Variants in C1orf167 observed in about 807,000 individuals in gnomAD.
C1orf167 encodes the protein chromosome 1 open reading frame 167.
In C1orf167, 153 loss-of-function variants were observed where a neutral mutation model predicts 176.5. The ratio of observed to expected loss-of-function variants is 0.87; its 90% CI spans 0.76 to 0.99. The LOEUF (loss-of-function observed/expected upper bound fraction) is 0.99, where lower values mean the gene tolerates loss of function less well. C1orf167 is among the 50% of genes least tolerant of loss of function. C1orf167 has a pLI of 0.00. For synonymous variants in C1orf167, 594 were observed against 752.7 expected, an observed-to-expected ratio of 0.79 and a Z score of 3.45; for missense variants, 1,490 against 1,817.7, an observed-to-expected ratio of 0.82 and a Z score of 3.28.
In C1orf167 at chr1:11,768,570, AG is replaced by A; in HGVS notation, c.1542+298del. Among the ~76,000 whole-genome samples, 1 of 152,138 alleles carries A rather than the reference AG, an allele frequency of 6.6e-6. No homozygotes were observed. Among genetic ancestry groups the A allele is most frequent in the East Asian group, 1.9e-4 (1 of 5,190 alleles). On this transcript the variant is annotated intron_variant, in intron 5 of 20. Transcript: ENST00000688073. The surrounding 1 kb of genome is among the most constrained non-coding windows in gnomAD (Gnocchi z 4.5). Reference sequence around the variant, plus strand: ...GATGATAATAGAACATACCTCTCTCAGGGTCGTTGTGAGATTAAATTAATAA... The same window carrying A: ...GATGATAATAGAACATACCTCTCTCAGGTCGTTGTGAGATTAAATTAATAA...
Position 11,778,760 on chromosome 1 carries a change from A to T in C1orf167, c.2440A>T (p.Thr814Ser). 7.7e-7 allele frequency: 1 copy of T among 1,297,842 alleles called. No homozygotes were observed. The highest frequency in any genetic ancestry group is 1.0e-6 in the Non-Finnish European group (1 of 987,524). 80.4% of individuals were successfully genotyped at this position (1,297,842 alleles called of 1,614,324 possible). ...AGATGCCACATCAAGCTGCACCAAGACCCCCTCGGCTCTGGAGCCACTGAG... is the reference window on the plus strand; with the variant it reads ...AGATGCCACATCAAGCTGCACCAAGTCCCCCTCGGCTCTGGAGCCACTGAG... ...GPDATSSCTK[T>S]PSALEPLSSS... Residue 814 changes from threonine (T) to serine (S), a missense_variant, in exon 11 of 21, where the codon ACC becomes TCC. Transcript: ENST00000688073.
At position 11,766,351 on chromosome 1, in the gene C1orf167, C is replaced by T. The variant is rs1451287881; in HGVS notation, c.565C>T (p.Pro189Ser). 2 of 1,275,442 alleles carry T rather than the reference C, an allele frequency of 1.6e-6. No individual in the cohort carries two copies. Among genetic ancestry groups the T allele is most frequent in the South Asian group, 2.5e-5 (2 of 79,730 alleles). The allele number at this position is 1,275,442 out of a possible 1,614,324, so 79.0% of individuals were successfully genotyped here. The change falls in exon 3 of 21, where the codon CCT (proline) becomes TCT (serine). Residue 189 changes from proline (P) to serine (S), a missense_variant. Physicochemically the swap from Pro to Ser is moderately conservative, Grantham distance 74 (BLOSUM62 -1). Coordinates refer to ENST00000688073, the MANE Select transcript of C1orf167 (RefSeq NM_001010881.2). The surrounding 1 kb of genome is among the most constrained non-coding windows in gnomAD (Gnocchi z 4.5). ...GDFRPTEAFA[P>S]LDGHTQPGLR... is the part of the protein sequence containing the mutation. ...CTTCAGGCCCACTGAAGCCTTTGCC[C>T]CTCTCGATGGGCATACACAGCCAGG...
At chr1:11,771,449 G>A (rs1199608695) in intron 6 of C1orf167, 75 bp from the exon 7 acceptor site, 1 of 915,896 alleles carries the variant, frequency 1.1e-6, no homozygotes, top group Non-Finnish European at 1.5e-6. Context: ...CCTGCCTGGG[G>A]TGGGGCGGAC....
At chr1:11,769,570 A>C (rs1642953134) in intron 6 of C1orf167, among the ~76,000 whole-genome samples, 1 of 152,116 alleles carries the variant, frequency 6.6e-6, no homozygotes. Context: ...CCTGTCTCAA[A>C]AAAACAAGCT....
At chr1:11,782,107 G>C (rs1423405593) in intron 13 of C1orf167, 82 bp from the exon 14 acceptor site, 7 of 1,153,946 alleles carry the variant, frequency 6.1e-6, no homozygotes, top group Middle Eastern at 2.7e-4. Flanking sequence ...CTGGTAGGGG[G>C]CGAAGGGCTG....
At position 11,769,054 on chromosome 1, in the gene C1orf167, C is replaced by G; in HGVS notation, c.1624C>G (p.Gln542Glu). ...AGGGTCCCCGCCCTCCAGGAGAGCC[C>G]AGGGCAAAGGCCTCTCCTTGGGAAG... Reference protein sequence around the residue: ...GPGSPPSRRAQGKGLSLGRST... With the variant: ...GPGSPPSRRAEGKGLSLGRST... The change falls in exon 6 of 21, where the codon CAG (glutamine) becomes GAG (glutamate). Residue 542 changes from glutamine (Q) to glutamate (E), a missense_variant. Coordinates refer to ENST00000688073, the MANE Select transcript of C1orf167 (RefSeq NM_001010881.2). 2.0e-6 allele frequency: 2 copies of G among 985,936 alleles called. No individual in the cohort carries two copies. The highest frequency in any genetic ancestry group is 4.7e-5 in the South Asian group (1 of 21,288). 61.1% of individuals were successfully genotyped at this position (985,936 alleles called of 1,614,324 possible). A position where few individuals can be genotyped will look rare whatever the true frequency, so the allele number is the denominator to read the frequency against.
chr1:11,780,071 C>T, intron 13 of C1orf167, 61 bp downstream of exon 13: 1 of 1,173,106 alleles, frequency 8.5e-7, no homozygotes, highest in Non-Finnish European at 1.1e-6. Flanking sequence ...CTGTCTGAGA[C>T]CCAGACTGCA....
chr1:11,789,090 C>T (rs1366378960), intron 20 of C1orf167, 180 bp from the exon 21 acceptor site: 8 of 521,824 alleles, frequency 1.5e-5, no homozygotes, highest in Non-Finnish European at 2.5e-5. Flanking sequence ...CTTCCCAGCT[C>T]ACCATCAGAT....
At position 11,781,547 on chromosome 1, in the gene C1orf167, C is replaced by G. The variant is rs1396777490; in HGVS notation, c.2861-642C>G. ...CGCTGGAGACAGCTGCTTATGCAGC[C>G]CAATCATTCCCCGGCAGGAACACTG... On this transcript the variant is annotated intron_variant, in intron 13 of 20. Transcript: ENST00000688073. Among the ~76,000 whole-genome samples the G allele has an allele frequency of 2.0e-5, 3 of 152,196 alleles. No individual in the cohort carries two copies. The East Asian group carries it at 5.8e-4, about 29-fold the overall frequency.
Position 11,784,432 on chromosome 1 carries a change from G to T in C1orf167, c.3264G>T (p.Trp1088Cys), listed in dbSNP as rs1643744789. The change falls in exon 15 of 21, where the codon TGG becomes TGT. Residue 1088 changes from tryptophan (W) to cysteine (C), a missense_variant. By Grantham distance (215) the Trp-to-Cys change is radical (BLOSUM62 -2). Transcript: ENST00000688073. ...KARAPQAFPAWPVAPGMHHEA... is the reference protein window; with the variant it reads ...KARAPQAFPACPVAPGMHHEA... The stretch of plus-strand genomic sequence containing the variant: ...GGGCCCCACAGGCCTTCCCAGCATG[G>T]CCAGTGGCCCCGGGCATGCACCATG... 2 of 1,303,602 alleles carry T rather than the reference G, an allele frequency of 1.5e-6. No homozygotes were observed. Among genetic ancestry groups the T allele is most frequent in the African/African-American group, 1.5e-5 (1 of 65,874 alleles). The allele number at this position is 1,303,602 out of a possible 1,614,324, so 80.8% of individuals were successfully genotyped here.
chr1:11,769,063 G>A lies in C1orf167; in HGVS notation c.1633G>A (p.Gly545Ser). ...GCCCTCCAGGAGAGCCCAGGGCAAA[G>A]GCCTCTCCTTGGGAAGAAGCACAGT... ...SPPSRRAQGK[G>S]LSLGRSTVVD... The change falls in exon 6 of 21, where the codon GGC becomes AGC. Residue 545 changes from glycine (G) to serine (S), a missense_variant. Transcript: ENST00000688073. The A allele has an allele frequency of 1.0e-6, 1 of 985,886 alleles. No individual in the cohort carries two copies. Among genetic ancestry groups the A allele is most frequent in the Non-Finnish European group, 1.2e-6 (1 of 829,956 alleles). 61.1% of individuals were successfully genotyped at this position (985,886 alleles called of 1,614,324 possible).
At chr1:11,764,847 G>T (rs1014108220) in intron 2 of C1orf167, among the ~76,000 whole-genome samples, 8 of 152,142 alleles carry the variant, frequency 5.3e-5, no homozygotes, top group Non-Finnish European at 1.2e-4. Flanking sequence ...CTGTGGTCAA[G>T]AGTTCAAGAC....
intron 6 of C1orf167, 70 bp from the exon 7 acceptor site, chr1:11,771,454 G>A (rs1557727410): frequency 1.0e-6 from 1 of 990,026 alleles, no homozygotes; most frequent in Non-Finnish European, 1.4e-6. Context: ...CTGGGGTGGG[G>A]CGGACAGGTT....
At chr1:11,771,703 T>G in intron 7 of C1orf167, 67 bp downstream of exon 7, 1 of 1,043,572 alleles carries the variant, frequency 9.6e-7, no homozygotes, top group South Asian at 1.3e-5. Context: ...AGCTCCACAC[T>G]GGGCAGGGGC....
rs140184178 is a variant in C1orf167 at position 11,771,151 on chromosome 1, T to C, written c.1698-373T>C. 3.4e-4 allele frequency among the ~76,000 whole-genome samples: 49 copies of C among 142,884 alleles called. No homozygotes were observed. The East Asian group carries it at 9.9e-3, about 29-fold the overall frequency. The allele number at this position is 142,884 out of a possible 152,430, so 93.7% of individuals were successfully genotyped here. On this transcript the variant is annotated intron_variant, in intron 6 of 20. Coordinates refer to ENST00000688073, the MANE Select transcript of C1orf167 (RefSeq NM_001010881.2). Reference sequence around the variant, plus strand: ...CCAGGCTGGTCTCAAACTCCTGGCTTCAAGTGATCTGCCCGTCTCAGCCTC... The same window carrying C: ...CCAGGCTGGTCTCAAACTCCTGGCTCCAAGTGATCTGCCCGTCTCAGCCTC...
chr1:11,773,356 T>C (rs1189869465), intron 8 of C1orf167, among the ~76,000 whole-genome samples: 2 of 152,144 alleles, frequency 1.3e-5, no homozygotes, highest in Non-Finnish European at 2.9e-5. Flanking sequence ...CCATGCATTA[T>C]ACCATTTCAT....
intron 2 of C1orf167, 22 bp from the exon 3 acceptor site, chr1:11,765,835 T>C: frequency 8.4e-7 from 1 of 1,185,030 alleles, no homozygotes; most frequent in Non-Finnish European, 1.1e-6. Context: ...ACCCAAGTCA[T>C]GACTGTCTCT....
At chr1:11,781,544 A>C (rs771791659) in intron 13 of C1orf167, among the ~76,000 whole-genome samples, 3 of 152,212 alleles carry the variant, frequency 2.0e-5, no homozygotes, top group Non-Finnish European at 4.4e-5. Flanking sequence ...CTGCTTATGC[A>C]GCCCAATCAT....
At chr1:11,775,702 G>A in intron 9 of C1orf167, 92 bp downstream of exon 9, 1 of 1,230,848 alleles carries the variant, frequency 8.1e-7, no homozygotes, top group South Asian at 1.4e-5. Context: ...TCTTGTGGGA[G>A]GTGATAGAAC....
Sources: allele counts gnomAD v4.1 joint callset (sites outside exome capture counted in the v4.1 genomes callset), GRCh38; gene constraint gnomAD v4.1.1; non-coding constraint Gnocchi (gnomAD v3.1); transcripts MANE v1.5; gene names NCBI Gene and HGNC (gene_info 2026-07-23, HGNC 2026-07-21).